The following PDE8B variants were observed in gnomAD, a reference collection of about 807,000 sequenced individuals.
The protein encoded by PDE8B is phosphodiesterase 8B.
A neutral mutation model predicts 101.3 loss-of-function variants in PDE8B; 26 were observed. The ratio of observed to expected loss-of-function variants is 0.26; its 90% CI spans 0.19 to 0.36. The LOEUF is 0.36. Ranked by LOEUF, PDE8B falls within the 10% of genes least tolerant of loss-of-function variation. PDE8B has a pLI of 1.00. For missense variants in PDE8B, 810 were observed against 1,163.1 expected (o/e 0.70, Z 4.42); for synonymous variants, 424 against 429.3 (o/e 0.99, Z 0.15).
the PDE8B span, among the ~76,000 whole-genome samples, chr5:77,090,214 CTG>C: frequency 6.6e-6 from 1 of 152,126 alleles, no homozygotes; most frequent in African/African-American, 2.4e-5. Flanking sequence ...GGAAGGGTGA[CTG>C]TATTTCCAAA....
intron 1 of PDE8B, among the ~76,000 whole-genome samples, chr5:77,294,208 A>G (rs989212618): frequency 6.6e-6 from 1 of 152,236 alleles, no homozygotes; most frequent in African/African-American, 2.4e-5. Context: ...GGATTAGAGT[A>G]TATGTCTATA....
At chr5:77,411,995 G>A (rs1021232411) in intron 15 of PDE8B, 105 bp from the exon 16 acceptor site, 3 of 1,172,622 alleles carry the variant, frequency 2.6e-6, no homozygotes, top group African/African-American at 3.0e-5. Context: ...GAAAAATCAG[G>A]TACAAGACTT....
rs558527667 is a variant in PDE8B, at chr5:77,251,123, A to G, written c.339+39859A>G. Among the ~76,000 whole-genome samples, 72 of 152,316 alleles carry G rather than the reference A, an allele frequency of 4.7e-4. 1 individual carries two copies. The highest frequency in any genetic ancestry group is 1.6e-3 in the African/African-American group (68 of 41,560). On this transcript the variant is annotated intron_variant, in intron 1 of 21. Coordinates refer to ENST00000264917, the MANE Select transcript of PDE8B (RefSeq NM_003719.5). ...CCACTTAGCTGTGTAACCTTGGGCA[A>G]GTGTTCTTGGACCTTTATGTGCTTC...
the PDE8B span, among the ~76,000 whole-genome samples, chr5:77,142,439 G>T: frequency 1.3e-5 from 2 of 152,058 alleles, no homozygotes; most frequent in African/African-American, 4.8e-5. Flanking sequence ...AGTTTTCTCA[G>T]GCCCTTTTGT....
chr5:77,211,358 T>C lies in PDE8B; in HGVS notation c.339+94T>C. On this transcript the variant is annotated intron_variant, in intron 1 of 21. Coordinates refer to ENST00000264917, the MANE Select transcript of PDE8B (RefSeq NM_003719.5). The surrounding 1 kb of genome is among the most constrained non-coding windows in gnomAD (Gnocchi z 4.1). The stretch of plus-strand genomic sequence containing the variant: ...GGGCTCCGGCGGAGTTGGGTGACCG[T>C]GAGGCGGTTGGTTTGGAGAGGTTGT... 8.1e-7 allele frequency: 1 copy of C among 1,231,284 alleles called. No homozygotes were observed. Among genetic ancestry groups the C allele is most frequent in the East Asian group, 2.8e-5 (1 of 36,022 alleles). The allele number at this position is 1,231,284 out of a possible 1,614,324, so 76.3% of individuals were successfully genotyped here. A position where few individuals can be genotyped will look rare whatever the true frequency, so the allele number is the denominator to read the frequency against.
chr5:77,102,360 G>C, the PDE8B span, among the ~76,000 whole-genome samples: 1 of 152,162 alleles, frequency 6.6e-6, no homozygotes, highest in African/African-American at 2.4e-5. Context: ...TAGGGTAATG[G>C]AGAAAAGCTT....
intron 1 of PDE8B, among the ~76,000 whole-genome samples, chr5:77,233,699 T>TGTGTGTGTGCGCGC (rs979930633): frequency 1.4e-5 from 2 of 146,886 alleles, no homozygotes; most frequent in African/African-American, 5.0e-5. Context: ...TGTGTGTGTG[T>TGTGTGTGTGCGCGC]GCAGTAGACT....
At chr5:77,356,537 C>G (rs764404722) in intron 10 of PDE8B, among the ~76,000 whole-genome samples, 7 of 152,178 alleles carry the variant, frequency 4.6e-5, no homozygotes, top group Non-Finnish European at 8.8e-5. Flanking sequence ...TCAAGTGATT[C>G]TCCTGCCTCA....
At chr5:77,315,145 C>G (rs1013815859) in intron 2 of PDE8B, among the ~76,000 whole-genome samples, 7 of 152,052 alleles carry the variant, frequency 4.6e-5, no homozygotes, top group African/African-American at 7.2e-5. Context: ...ATAACTCTGG[C>G]TTTTGAACAA....
At chr5:77,397,907 C>G (rs1183093064) in intron 10 of PDE8B, among the ~76,000 whole-genome samples, 1 of 152,068 alleles carries the variant, frequency 6.6e-6, no homozygotes, top group Admixed American at 6.6e-5. Flanking sequence ...CTCTGTACCC[C>G]ACCCCCCGCC....
At chr5:77,135,968 AC>A in the PDE8B span, among the ~76,000 whole-genome samples, 5 of 151,820 alleles carry the variant, frequency 3.3e-5, no homozygotes, top group African/African-American at 1.2e-4. Flanking sequence ...TTGGATGTTG[AC>A]CCCCAGGATC....
At chr5:77,291,085 G>A (rs543098055) in intron 1 of PDE8B, 3 of 1,610,772 alleles carry the variant, frequency 1.9e-6, no homozygotes, top group South Asian at 1.1e-5. Context: ...GGAGGAAACA[G>A]TACCATTATT....
the PDE8B span, among the ~76,000 whole-genome samples, chr5:77,199,538 G>C: frequency 3.3e-5 from 5 of 152,074 alleles, no homozygotes; most frequent in Non-Finnish European, 7.4e-5. Context: ...CAGATCCCCC[G>C]TTATGAAGGA....
intron 20 of PDE8B, among the ~76,000 whole-genome samples, chr5:77,423,566 G>C (rs540037108): frequency 2.1e-4 from 31 of 150,934 alleles, no homozygotes; most frequent in African/African-American, 6.6e-4. Context: ...ACTAGTTTGA[G>C]ATGGTATCTC....
chr5:77,166,192 A>G, the PDE8B span, among the ~76,000 whole-genome samples: 12 of 150,182 alleles, frequency 8.0e-5, no homozygotes, highest in Non-Finnish European at 1.6e-4. Context: ...TTCTTGAAGA[A>G]CAACATTTCT....
intron 1 of PDE8B, among the ~76,000 whole-genome samples, chr5:77,288,685 C>T (rs921908267): frequency 6.6e-6 from 1 of 152,150 alleles, no homozygotes; most frequent in Admixed American, 6.5e-5. Flanking sequence ...TTAAGTTTGA[C>T]AGTTGCTATG....
In PDE8B at chr5:77,211,205, A is replaced by G. The variant is rs886060756; in HGVS notation, c.280A>G (p.Arg94Gly). ...APAATTSRGR[R>G]RHCCSSAEAE... ...CGCCGCGACCACCAGCAGGGGCCGG[A>G]GGCGCCACTGCTGCAGCAGCGCCGA... is the stretch of plus-strand genomic sequence containing the variant. The change falls in exon 1 of 22, where the codon AGG becomes GGG. Residue 94 changes from arginine (R) to glycine (G), a missense_variant. Coordinates refer to ENST00000264917, the MANE Select transcript of PDE8B (RefSeq NM_003719.5). The surrounding 1 kb of genome is among the most constrained non-coding windows in gnomAD (Gnocchi z 4.1). 34 of 1,567,626 alleles carry G rather than the reference A, an allele frequency of 2.2e-5. No individual in the cohort carries two copies. Among genetic ancestry groups the G allele is most frequent in the Non-Finnish European group, 2.7e-5 (31 of 1,165,262 alleles).
chr5:77,300,412 A>G (rs1484617978), intron 1 of PDE8B, among the ~76,000 whole-genome samples: 5 of 152,198 alleles, frequency 3.3e-5, no homozygotes, highest in Admixed American at 6.5e-5. Context: ...ACCAATGGAC[A>G]CAGAACTGTA....
intron 10 of PDE8B, among the ~76,000 whole-genome samples, chr5:77,379,270 GATAA>G (rs1456780290): frequency 2.0e-5 from 3 of 152,174 alleles, no homozygotes; most frequent in African/African-American, 7.2e-5. Context: ...AGCAGAAGAA[GATAA>G]ATCTCTGCTT....
Sources: allele counts gnomAD v4.1 joint callset (sites outside exome capture counted in the v4.1 genomes callset), GRCh38; gene constraint gnomAD v4.1.1; non-coding constraint Gnocchi (gnomAD v3.1); transcripts MANE v1.5; gene names NCBI Gene and HGNC (gene_info 2026-07-23, HGNC 2026-07-21).